The following CACUL1 variants were observed in gnomAD, a reference collection of about 807,000 sequenced individuals.
CACUL1 encodes the protein CDK2-associated and cullin domain-containing protein 1.
In CACUL1, 13 loss-of-function variants were observed where a neutral mutation model predicts 45.2. The observed-to-expected ratio is 0.29, with a 90% CI of 0.19 to 0.46. The LOEUF is 0.46. Among genes scored for constraint, CACUL1 ranks in the 20% least tolerant of loss-of-function variants. The probability of loss-of-function intolerance (pLI) is 1.00; values close to 1 mark genes in which losing one functional copy is unlikely to be tolerated. For synonymous variants in CACUL1, 197 were observed against 174.2 expected (o/e 1.13, Z -1.03); for missense variants, 421 against 471.4 (o/e 0.89, Z 0.99).
At chr10:118,733,330 C>CA (rs368852442) in intron 1 of CACUL1, among the ~76,000 whole-genome samples, 17 of 145,928 alleles carry the variant, frequency 1.2e-4, no homozygotes, top group African/African-American at 2.0e-4. Flanking sequence ...TTTCCACACA[C>CA]AAAAAAAAAA....
At chr10:118,723,981 G>A (rs1450245853) in intron 3 of CACUL1, among the ~76,000 whole-genome samples, 2 of 152,010 alleles carry the variant, frequency 1.3e-5, no homozygotes, top group Non-Finnish European at 2.9e-5. Context: ...TGGCCAGGCT[G>A]GTCTTTAACT....
intron 3 of CACUL1, among the ~76,000 whole-genome samples, chr10:118,712,268 C>A (rs1007517422): frequency 1.3e-5 from 2 of 152,186 alleles, no homozygotes; most frequent in Non-Finnish European, 2.9e-5. Flanking sequence ...TGGCCTGGGT[C>A]CCACAGCTGC....
chr10:118,680,659 G>C lies in CACUL1; in HGVS notation c.*5469C>G, dbSNP rs1038503299. 2 of 152,158 alleles carry C rather than the reference G, an allele frequency of 1.3e-5. No individual in the cohort carries two copies. Among genetic ancestry groups the C allele is most frequent in the Admixed American group, 6.5e-5 (1 of 15,272 alleles). 9.4% of individuals were successfully genotyped at this position (152,158 alleles called of 1,614,324 possible). ...AAAAGTTGATTAAAGGTCCACAGAA[G>C]AAACTGTACAGTGTTTAAAAAACAA... is the stretch of plus-strand genomic sequence containing the variant. On this transcript the variant is annotated 3_prime_UTR_variant, in exon 9 of 9. Transcript: ENST00000369151.
In CACUL1 at chr10:118,685,999, C is replaced by A; in HGVS notation, c.*129G>T. The A allele has an allele frequency of 1.3e-5, 6 of 476,650 alleles. No homozygotes were observed. Among genetic ancestry groups the A allele is most frequent in the Non-Finnish European group, 1.9e-5 (5 of 263,886 alleles). The allele number at this position is 476,650 out of a possible 1,614,324, so 29.5% of individuals were successfully genotyped here. A position where few individuals can be genotyped will look rare whatever the true frequency, so the allele number is the denominator to read the frequency against. On this transcript the variant is annotated 3_prime_UTR_variant, in exon 9 of 9. Transcript: ENST00000369151. ...ATTACAAACCAAGTAAGAAGTCCAA[C>A]ATCCTCTTCCATGAACAGCTTTGTG... is the stretch of plus-strand genomic sequence containing the variant.
In CACUL1 at chr10:118,727,198, G is replaced by A. The variant is rs533164797; in HGVS notation, c.597+2097C>T. On this transcript the variant is annotated intron_variant, in intron 3 of 8. Transcript: ENST00000369151. ...GAGTCCAGGAGTTTGAGACCAGCATGAGCAACACGGCAAAACCCCATCTCT... is the reference window on the plus strand; with the variant it reads ...GAGTCCAGGAGTTTGAGACCAGCATAAGCAACACGGCAAAACCCCATCTCT... Among the ~76,000 whole-genome samples the A allele has an allele frequency of 6.2e-4, 95 of 152,122 alleles. No homozygotes were observed. The Middle Eastern group carries it at 0.014, about 22-fold the overall frequency.
At chr10:118,695,767 C>T (rs7072689) in intron 5 of CACUL1, among the ~76,000 whole-genome samples, 379 of 152,270 alleles carry the variant, frequency 2.5e-3, no homozygotes, top group African/African-American at 8.3e-3. Context: ...TGACTCTGAA[C>T]ATGACAACAG....
rs1845121384 is a variant in CACUL1 at position 118,678,744 on chromosome 10, G to C, written c.*7384C>G. ...TGTATTCCTGAGACCAATCCATTTT[G>C]GTCATCATTTGTTACATTTTGAATA... On this transcript the variant is annotated 3_prime_UTR_variant, in exon 9 of 9. Transcript: ENST00000369151. 6.6e-6 allele frequency: 1 copy of C among 151,814 alleles called. No individual in the cohort carries two copies. The highest frequency in any genetic ancestry group is 6.6e-5 in the Admixed American group (1 of 15,254). 9.4% of individuals were successfully genotyped at this position (151,814 alleles called of 1,614,324 possible).
intron 4 of CACUL1, among the ~76,000 whole-genome samples, chr10:118,702,499 C>T (rs1845392479): frequency 6.6e-6 from 1 of 151,990 alleles, no homozygotes; most frequent in Non-Finnish European, 1.5e-5. Context: ...TCATTATTTA[C>T]TTAAATCACT....
chr10:118,699,710 T>A (rs1298847396), intron 5 of CACUL1, among the ~76,000 whole-genome samples: 1 of 152,022 alleles, frequency 6.6e-6, no homozygotes, highest in East Asian at 1.9e-4. Flanking sequence ...AGTGACGCGA[T>A]CTCGGCTCAC....
intron 6 of CACUL1, among the ~76,000 whole-genome samples, chr10:118,694,251 A>G (rs182106425): frequency 1.3e-4 from 20 of 152,342 alleles, no homozygotes; most frequent in African/African-American, 3.6e-4. Context: ...AGGTCGTTTA[A>G]TTAAGCAAAC....
At position 118,684,317 on chromosome 10, in the gene CACUL1, T is replaced by A. The variant is rs1443429190; in HGVS notation, c.*1811A>T. On this transcript the variant is annotated 3_prime_UTR_variant, in exon 9 of 9. Coordinates refer to ENST00000369151, the MANE Select transcript of CACUL1 (RefSeq NM_153810.5). The stretch of plus-strand genomic sequence containing the variant: ...CACTCACTCAGACTTCAGTTCTAGG[T>A]GTGATTGGTAAGCCTGAAGCAAGCA... The A allele has an allele frequency of 6.6e-6, 1 of 152,472 alleles. No individual in the cohort carries two copies. Among genetic ancestry groups the A allele is most frequent in the African/African-American group, 2.4e-5 (1 of 41,444 alleles). The allele number at this position is 152,472 out of a possible 1,614,324, so 9.4% of individuals were successfully genotyped here. A position where few individuals can be genotyped will look rare whatever the true frequency, so the allele number is the denominator to read the frequency against.
At position 118,680,739 on chromosome 10, in the gene CACUL1, T is replaced by C. The variant is rs895954259; in HGVS notation, c.*5389A>G. 1 of 152,218 alleles carries C rather than the reference T, an allele frequency of 6.6e-6. No homozygotes were observed. The highest frequency in any genetic ancestry group is 1.9e-4 in the East Asian group (1 of 5,198). The allele number at this position is 152,218 out of a possible 1,614,324, so 9.4% of individuals were successfully genotyped here. A position where few individuals can be genotyped will look rare whatever the true frequency, so the allele number is the denominator to read the frequency against. On this transcript the variant is annotated 3_prime_UTR_variant, in exon 9 of 9. Coordinates refer to ENST00000369151, the MANE Select transcript of CACUL1 (RefSeq NM_153810.5). ...ATACTATATATGAATATAGAATAGA[T>C]ATGACCATATGTATATTGTTACACA...
At chr10:118,725,341 A>G (rs146829620) in intron 3 of CACUL1, among the ~76,000 whole-genome samples, 23 of 152,168 alleles carry the variant, frequency 1.5e-4, no homozygotes, top group African/African-American at 5.3e-4. Flanking sequence ...GGTGGTGCAC[A>G]CCTGTAGTCC....
chr10:118,719,793 A>T (rs1054768112), intron 3 of CACUL1, among the ~76,000 whole-genome samples: 2 of 152,120 alleles, frequency 1.3e-5, no homozygotes, highest in Non-Finnish European at 2.9e-5. Flanking sequence ...CCTGGGCAAC[A>T]AGAGCTAAAT....
intron 1 of CACUL1, among the ~76,000 whole-genome samples, chr10:118,730,924 C>T (rs1845692105): frequency 6.6e-6 from 1 of 152,146 alleles, no homozygotes; most frequent in African/African-American, 2.4e-5. Context: ...TAAAACTTGC[C>T]GAGATTTACA....
At position 118,691,256 on chromosome 10, in the gene CACUL1, A is replaced by C. The variant is rs1473154707; in HGVS notation, c.1025+9T>G. The C allele has an allele frequency of 1.9e-6, 3 of 1,606,982 alleles. No homozygotes were observed. Among genetic ancestry groups the C allele is most frequent in the Admixed American group, 1.7e-5 (1 of 58,380 alleles). ...TATTTGACCACTAAAGGAAAAAAAA[A>C]CAACTTGCCTTGTAAAACCATTCTG... On this transcript the variant is annotated intron_variant, in intron 7 of 8. Transcript: ENST00000369151.
At chr10:118,705,908 G>A (rs566939173) in intron 4 of CACUL1, among the ~76,000 whole-genome samples, 13 of 152,234 alleles carry the variant, frequency 8.5e-5, no homozygotes, top group African/African-American at 2.9e-4. Context: ...ATTCTCAAAA[G>A]TAACTACAAA....
chr10:118,709,845 G>A (rs17586389), intron 3 of CACUL1, among the ~76,000 whole-genome samples: 19,046 of 151,820 alleles, frequency 0.13, 1,426 homozygotes, highest in Admixed American at 0.26. Flanking sequence ...CTAATTCATC[G>A]TACTTACAGG....
intron 4 of CACUL1, among the ~76,000 whole-genome samples, chr10:118,706,504 C>T (rs776007222): frequency 4.3e-4 from 65 of 152,230 alleles, no homozygotes; most frequent in Non-Finnish European, 8.1e-4. Flanking sequence ...CCCAGGCTTA[C>T]ACTCTTCCCA....
Sources: gnomAD v4.1 joint callset for allele counts (sites outside exome capture counted in the v4.1 genomes callset) on GRCh38, gnomAD v4.1.1 for gene constraint, MANE v1.5 for transcripts, NCBI Gene and HGNC (gene_info 2026-07-23, HGNC 2026-07-21) for gene names.